RPS6KC1: variants seen among roughly 807,000 people sequenced by gnomAD.
RPS6KC1 encodes inactive ribosomal protein S6 kinase delta-1.
RPS6KC1 carries 54 observed loss-of-function variants against 103.8 expected under a neutral mutation model. The observed-to-expected ratio is 0.52, with a 90% CI of 0.42 to 0.65. The LOEUF is 0.65. Among genes scored for constraint, RPS6KC1 ranks in the 30% least tolerant of loss-of-function variants. The pLI, the probability that RPS6KC1 is intolerant of heterozygous loss-of-function variation, is 0.00. For synonymous variants in RPS6KC1, 439 were observed against 438.7 expected (o/e 1.00, Z -0.01); for missense variants, 1,151 against 1,253.8 (o/e 0.92, Z 1.24).
the RPS6KC1 span, among the ~76,000 whole-genome samples, chr1:213,808,749 C>T: frequency 2.6e-5 from 4 of 152,250 alleles, no homozygotes; most frequent in African/African-American, 7.2e-5. Flanking sequence ...GGCAATGCCT[C>T]GCCTTGCTTC....
the RPS6KC1 span, among the ~76,000 whole-genome samples, chr1:213,369,519 G>C: frequency 2.0e-5 from 3 of 152,346 alleles, no homozygotes; most frequent in Admixed American, 2.0e-4. Context: ...TCCACTAAAG[G>C]CTGGTGCAGC....
intron 4 of RPS6KC1, among the ~76,000 whole-genome samples, chr1:213,104,961 A>G (rs769973118): frequency 3.3e-5 from 5 of 152,150 alleles, no homozygotes; most frequent in Non-Finnish European, 5.9e-5. Flanking sequence ...ATTGAAATAC[A>G]TTAAAAAAAA....
chr1:213,339,937 G>A, the RPS6KC1 span, among the ~76,000 whole-genome samples: 471 of 152,168 alleles, frequency 3.1e-3, 3 homozygotes, highest in African/African-American at 0.011. Context: ...TGTCGCCTTA[G>A]GCTGGAGTGC....
chr1:213,269,713 A>G (rs1433255030), intron 14 of RPS6KC1, among the ~76,000 whole-genome samples: 1 of 152,114 alleles, frequency 6.6e-6, no homozygotes, highest in Non-Finnish European at 1.5e-5. Flanking sequence ...ATCAGAAAAA[A>G]AGGGAAGGTT....
the RPS6KC1 span, among the ~76,000 whole-genome samples, chr1:213,747,532 G>C: frequency 6.6e-6 from 1 of 152,158 alleles, no homozygotes; most frequent in East Asian, 1.9e-4. Context: ...CTTTGGCTTG[G>C]TTTTGTCTGG....
At chr1:213,598,088 G>T in the RPS6KC1 span, among the ~76,000 whole-genome samples, 1 of 152,138 alleles carries the variant, frequency 6.6e-6, no homozygotes, top group Non-Finnish European at 1.5e-5. Context: ...AAAGGAAAAA[G>T]CCCCACAACT....
chr1:213,347,160 A>AATAT, the RPS6KC1 span, among the ~76,000 whole-genome samples: 1,064 of 152,306 alleles, frequency 7.0e-3, 17 homozygotes, highest in African/African-American at 0.024. Context: ...TAAATTAGTA[A>AATAT]ATATACTTCA....
the RPS6KC1 span, among the ~76,000 whole-genome samples, chr1:213,776,170 C>T: frequency 7.9e-5 from 12 of 152,294 alleles, no homozygotes; most frequent in Middle Eastern, 6.8e-3. Flanking sequence ...TTAATGTGGA[C>T]ATTTTCACCT....
At chr1:213,342,085 C>T in the RPS6KC1 span, among the ~76,000 whole-genome samples, 2 of 152,198 alleles carry the variant, frequency 1.3e-5, no homozygotes, top group Admixed American at 1.3e-4. Context: ...TACCTTCCAT[C>T]GTTTATAGCT....
At chr1:213,522,823 G>A in the RPS6KC1 span, among the ~76,000 whole-genome samples, 2 of 152,312 alleles carry the variant, frequency 1.3e-5, no homozygotes, top group South Asian at 2.1e-4. Context: ...ATTTTGGCTG[G>A]TTTGCTCTAT....
chr1:213,422,226 G>A, the RPS6KC1 span, among the ~76,000 whole-genome samples: 1 of 152,192 alleles, frequency 6.6e-6, no homozygotes, highest in Admixed American at 6.5e-5. Flanking sequence ...TCTAGGTACT[G>A]CATATAAGTG....
intron 6 of RPS6KC1, among the ~76,000 whole-genome samples, chr1:213,144,155 T>C (rs967674204): frequency 6.6e-6 from 1 of 152,158 alleles, no homozygotes; most frequent in African/African-American, 2.4e-5. Context: ...GGTTCTGGGC[T>C]TAGGGCATGA....
At chr1:213,789,621 T>C in the RPS6KC1 span, among the ~76,000 whole-genome samples, 1 of 152,206 alleles carries the variant, frequency 6.6e-6, no homozygotes, top group Admixed American at 6.5e-5. Flanking sequence ...AAAATCATTC[T>C]GACTCAGGTG....
chr1:213,326,227 AAGAC>A, the RPS6KC1 span, among the ~76,000 whole-genome samples: 25 of 152,188 alleles, frequency 1.6e-4, no homozygotes, highest in Admixed American at 1.3e-4. Context: ...AAAGAAAAAA[AAGAC>A]AGCAGTCAAA....
At chr1:213,459,220 G>A in the RPS6KC1 span, among the ~76,000 whole-genome samples, 3 of 152,146 alleles carry the variant, frequency 2.0e-5, no homozygotes, top group Admixed American at 6.5e-5. Context: ...ATTCAGCTGT[G>A]AATCCATCCG....
At chr1:213,613,140 C>T in the RPS6KC1 span, among the ~76,000 whole-genome samples, 1 of 152,178 alleles carries the variant, frequency 6.6e-6, no homozygotes, top group African/African-American at 2.4e-5. Flanking sequence ...CACATTTTCA[C>T]TGGACCGTTA....
At chr1:213,215,027 A>G (rs1444250089) in intron 8 of RPS6KC1, among the ~76,000 whole-genome samples, 3 of 152,242 alleles carry the variant, frequency 2.0e-5, no homozygotes, top group African/African-American at 7.2e-5. Flanking sequence ...AGCTGGACAG[A>G]GAATGACTTT....
the RPS6KC1 span, among the ~76,000 whole-genome samples, chr1:213,355,565 A>C: frequency 6.6e-6 from 1 of 152,302 alleles, no homozygotes; most frequent in East Asian, 1.9e-4. Context: ...CATGCTCTGG[A>C]GTAGATTTGC....
At chr1:213,843,542 A>G in the RPS6KC1 span, 1 of 152,224 alleles carries the variant, frequency 6.6e-6, no homozygotes, top group Non-Finnish European at 1.5e-5. Context: ...GAATAGTAGA[A>G]CAAAGTTCCT....
Sources: allele counts gnomAD v4.1 joint callset (sites outside exome capture counted in the v4.1 genomes callset), GRCh38; gene constraint gnomAD v4.1.1; transcripts MANE v1.5; gene names NCBI Gene and HGNC (gene_info 2026-07-23, HGNC 2026-07-21).